The following INO80 variants were observed in gnomAD, a reference collection of about 807,000 sequenced individuals.
INO80 encodes the protein chromatin-remodeling ATPase INO80.
Under a neutral mutation model 203.4 loss-of-function variants are expected in INO80, and 20 were observed. The observed-to-expected ratio is 0.10, with a 90% CI of 0.07 to 0.14. The LOEUF is 0.14. INO80 is among the 10% of genes least tolerant of loss of function. The pLI, the probability that INO80 is intolerant of heterozygous loss-of-function variation, is 1.00. For missense variants in INO80, 1,419 were observed against 1,914.4 expected (o/e 0.74, Z 4.83); for synonymous variants, 726 against 685.2 (o/e 1.06, Z -0.93).
chr15:41,076,345 G>A (rs1566939722), intron 9 of INO80, among the ~76,000 whole-genome samples: 2 of 151,584 alleles, frequency 1.3e-5, no homozygotes, highest in East Asian at 3.9e-4. Flanking sequence ...GGGTAACAGA[G>A]CAAGACTCTG....
chr15:41,079,448 A>C (rs2045451642), intron 9 of INO80, among the ~76,000 whole-genome samples: 1 of 152,040 alleles, frequency 6.6e-6, no homozygotes, highest in Non-Finnish European at 1.5e-5. Flanking sequence ...TACTAGTCTA[A>C]AATCACCATC....
At chr15:41,087,759 G>A (rs1208435708) in intron 5 of INO80, 77 bp from the exon 6 acceptor site, 1 of 1,453,856 alleles carries the variant, frequency 6.9e-7, no homozygotes, top group Non-Finnish European at 9.3e-7. Flanking sequence ...AGAAAACTAA[G>A]CCAGAGGAAA....
chr15:41,106,493 T>G (rs1422806854), intron 1 of INO80, among the ~76,000 whole-genome samples: 10 of 151,528 alleles, frequency 6.6e-5, no homozygotes, highest in Admixed American at 6.6e-4. Context: ...TAAACTCATA[T>G]AGTGGCATAC....
chr15:41,018,008 T>A lies in INO80; in HGVS notation c.3275-1793A>T, dbSNP rs541588786. On this transcript the variant is annotated intron_variant, in intron 26 of 35. Transcript: ENST00000648947. ...GGTTTTATTCTTACCACAATTACCCTTCTCCAGTAATTGAATTCCCTAAGG... is the reference window on the plus strand; with the variant it reads ...GGTTTTATTCTTACCACAATTACCCATCTCCAGTAATTGAATTCCCTAAGG... 3 of 152,290 alleles carry A rather than the reference T, an allele frequency of 2.0e-5. No homozygotes were observed. In the South Asian group the frequency reaches 6.2e-4, roughly 32 times the overall value. 9.4% of individuals were successfully genotyped at this position (152,290 alleles called of 1,614,324 possible). A position where few individuals can be genotyped will look rare whatever the true frequency, so the allele number is the denominator to read the frequency against.
At position 41,027,661 on chromosome 15, in the gene INO80, T is replaced by G. The variant is rs1181586586; in HGVS notation, c.2983A>C (p.Thr995Pro). Residue 995 changes from threonine to proline, a missense_variant, in exon 25 of 36, where the codon ACC (threonine) becomes CCC (proline). Physicochemically the swap from Thr to Pro is conservative, Grantham distance 38 (BLOSUM62 -1). Around this residue, in one of 9 missense-constraint regions of INO80, gnomAD observed 302 missense variants for 345.4 expected, o/e 0.87. Coordinates refer to ENST00000648947, the MANE Select transcript of INO80 (RefSeq NM_017553.3). Reference sequence around the variant, plus strand: ...AGCAGGCAGCGACGCAGCGAGGAGGTAGCTGATCTCCGCTGATGGACAACC... The same window carrying G: ...AGCAGGCAGCGACGCAGCGAGGAGGGAGCTGATCTCCGCTGATGGACAACC... ...DQVVHQRRSATSSLRRCLLTE... is the reference protein window; with the variant it reads ...DQVVHQRRSAPSSLRRCLLTE... 1 of 1,613,752 alleles carries G rather than the reference T, an allele frequency of 6.2e-7. No individual in the cohort carries two copies. The highest frequency in any genetic ancestry group is 1.3e-5 in the African/African-American group (1 of 74,902).
chr15:41,045,884 G>A (rs1342176084), intron 23 of INO80, among the ~76,000 whole-genome samples: 4 of 140,436 alleles, frequency 2.8e-5, no homozygotes, highest in Non-Finnish European at 4.6e-5. Flanking sequence ...CTAGGCGACC[G>A]AGTGAGACTT....
At chr15:41,059,111 C>T (rs2045054674) in intron 15 of INO80, among the ~76,000 whole-genome samples, 1 of 151,882 alleles carries the variant, frequency 6.6e-6, no homozygotes, top group Non-Finnish European at 1.5e-5. Context: ...ACCACCATGC[C>T]CGGCTAATTT....
At chr15:41,105,167 C>G (rs777707358) in intron 1 of INO80, among the ~76,000 whole-genome samples, 73 of 152,124 alleles carry the variant, frequency 4.8e-4, no homozygotes, top group Non-Finnish European at 8.2e-4. Flanking sequence ...TACTTTCACT[C>G]TATTAACTAT....
At chr15:40,980,962 T>C (rs1320822172) in intron 35 of INO80, among the ~76,000 whole-genome samples, 2 of 152,152 alleles carry the variant, frequency 1.3e-5, no homozygotes, top group Admixed American at 6.5e-5. Context: ...CCACCCCTGC[T>C]CTCCAAGGCC....
intron 24 of INO80, among the ~76,000 whole-genome samples, chr15:41,036,155 C>A (rs1389350994): frequency 2.3e-4 from 3 of 13,244 alleles, no homozygotes; most frequent in African/African-American, 4.0e-4. Context: ...AACTCTCTCT[C>A]GAAAAAAAAA....
intron 28 of INO80, 85 bp downstream of exon 28, chr15:41,005,508 G>T: frequency 4.7e-6 from 3 of 637,312 alleles, no homozygotes; most frequent in East Asian, 2.8e-5. Context: ...AGATGTCCTG[G>T]CATTTAAAAA....
intron 9 of INO80, among the ~76,000 whole-genome samples, chr15:41,076,202 A>C (rs984385606): frequency 2.8e-4 from 43 of 152,116 alleles, no homozygotes; most frequent in African/African-American, 9.9e-4. Flanking sequence ...CTCTGATAAA[A>C]ATACAAAAAT....
At chr15:41,112,866 T>G (rs952375810) in intron 1 of INO80, among the ~76,000 whole-genome samples, 6 of 150,538 alleles carry the variant, frequency 4.0e-5, no homozygotes, top group South Asian at 4.2e-4. Context: ...CCCAACCCAC[T>G]TTGTCCACTC....
chr15:41,056,148 G>A (rs989546639), intron 17 of INO80, among the ~76,000 whole-genome samples: 1 of 151,772 alleles, frequency 6.6e-6, no homozygotes, highest in African/African-American at 2.4e-5. Context: ...GTTTCACCAC[G>A]TTGCCCAGGC....
Position 40,980,213 on chromosome 15 carries a change from G to A in INO80, c.*10C>T, listed in dbSNP as rs183778624. The A allele has an allele frequency of 1.8e-5, 29 of 1,610,160 alleles. No homozygotes were observed. The East Asian group carries it at 6.0e-4, about 33-fold the overall frequency. On this transcript the variant is annotated 3_prime_UTR_variant, in exon 36 of 36. Coordinates refer to ENST00000648947, the MANE Select transcript of INO80 (RefSeq NM_017553.3). ...TGGTTTGGTTGAAGGAAGTCGGAGGGCCCAGATGGTTACCGTCCTCCAGAG... is the reference window on the plus strand; with the variant it reads ...TGGTTTGGTTGAAGGAAGTCGGAGGACCCAGATGGTTACCGTCCTCCAGAG...
Position 41,109,502 on chromosome 15 carries a change from T to C in INO80, c.-44+6471A>G, listed in dbSNP as rs1178642371. Among the ~76,000 whole-genome samples, 4 of 147,930 alleles carry C rather than the reference T, an allele frequency of 2.7e-5. No homozygotes were observed. In the East Asian group the frequency reaches 8.2e-4, roughly 30 times the overall value. On this transcript the variant is annotated intron_variant, in intron 1 of 35. Transcript: ENST00000648947. Reference sequence around the variant, plus strand: ...TGCCGTATTTATTACAAAATAGAAATGTCTGGCCAGGCACAGTGGCTCATG... The same window carrying C: ...TGCCGTATTTATTACAAAATAGAAACGTCTGGCCAGGCACAGTGGCTCATG...
chr15:41,094,024 G>T (rs913197792), intron 4 of INO80, among the ~76,000 whole-genome samples: 1 of 152,128 alleles, frequency 6.6e-6, no homozygotes, highest in African/African-American at 2.4e-5. Flanking sequence ...GAAGGACCTA[G>T]TGATAATAAT....
intron 6 of INO80, among the ~76,000 whole-genome samples, chr15:41,085,940 A>G (rs1198952098): frequency 6.6e-6 from 1 of 151,944 alleles, no homozygotes; most frequent in African/African-American, 2.4e-5. Flanking sequence ...GCTCACTGCA[A>G]CCTCCACCTC....
rs1396146751 is a variant in INO80, at chr15:41,026,667, CT to C, written c.3048+928del. ...ACATAAAAGGGTAAGAAATGTCAAC[CT>C]CTTAGAGCTTCCTGGCTAACGGAAA... is the stretch of plus-strand genomic sequence containing the variant. On this transcript the variant is annotated intron_variant, in intron 25 of 35. Coordinates refer to ENST00000648947, the MANE Select transcript of INO80 (RefSeq NM_017553.3). Among the ~76,000 whole-genome samples, 8 of 152,088 alleles carry C rather than the reference CT, an allele frequency of 5.3e-5. 1 individual carries two copies. The highest frequency in any genetic ancestry group is 5.2e-4 in the Admixed American group (8 of 15,246).
Sources: gnomAD v4.1 joint callset for allele counts (sites outside exome capture counted in the v4.1 genomes callset) on GRCh38, gnomAD v4.1.1 for gene constraint, gnomAD v4.1.1 regional missense constraint, MANE v1.5 for transcripts, NCBI Gene and HGNC (gene_info 2026-07-23, HGNC 2026-07-21) for gene names.